Variants in MAGI1 observed in about 807,000 individuals in gnomAD.
MAGI1 encodes the protein membrane associated guanylate kinase, WW and PDZ domain containing 1, also known as membrane-associated guanylate kinase, WW and PDZ domain-containing protein 1.
In MAGI1, 58 loss-of-function variants were observed where a neutral mutation model predicts 139.9. The observed-to-expected ratio is 0.41, with a 90% CI of 0.34 to 0.52. The LOEUF (loss-of-function observed/expected upper bound fraction) is 0.52, where lower values mean the gene tolerates loss of function less well. MAGI1 is among the 20% of genes least tolerant of loss of function. The probability of loss-of-function intolerance (pLI) is 0.12; values close to 1 mark genes in which losing one functional copy is unlikely to be tolerated. For synonymous variants in MAGI1, 812 were observed against 737.9 expected (o/e 1.10, Z -1.63); for missense variants, 1,874 against 1,901.6 (o/e 0.99, Z 0.27).
intron 1 of MAGI1, among the ~76,000 whole-genome samples, chr3:65,982,505 G>C (rs2065638339): frequency 6.6e-6 from 1 of 152,198 alleles, no homozygotes; most frequent in Non-Finnish European, 1.5e-5. Flanking sequence ...GGGAAGAAAT[G>C]CCAGAATACA....
chr3:65,893,372 G>T (rs2060843496), intron 1 of MAGI1, among the ~76,000 whole-genome samples: 2 of 151,132 alleles, frequency 1.3e-5, no homozygotes, highest in African/African-American at 4.9e-5. Context: ...ATTCAAACCG[G>T]TTTCTTGCCT....
chr3:65,840,560 C>G (rs2058769677), intron 1 of MAGI1, among the ~76,000 whole-genome samples: 1 of 152,070 alleles, frequency 6.6e-6, no homozygotes, highest in Non-Finnish European at 1.5e-5. Context: ...AGGTGAATTA[C>G]CTTGATTGAT....
chr3:65,874,213 G>A (rs970937610), intron 1 of MAGI1: 2 of 152,204 alleles, frequency 1.3e-5, no homozygotes, highest in African/African-American at 2.4e-5. Context: ...TTGGACCCAG[G>A]AGGTGGTGGT....
intron 12 of MAGI1, among the ~76,000 whole-genome samples, chr3:65,421,717 C>T (rs1359831600): frequency 6.6e-6 from 1 of 152,150 alleles, no homozygotes; most frequent in Non-Finnish European, 1.5e-5. Context: ...AGCTGAGATG[C>T]TTCCCAGCCA....
At chr3:65,898,774 T>C (rs941672222) in intron 1 of MAGI1, among the ~76,000 whole-genome samples, 3 of 152,186 alleles carry the variant, frequency 2.0e-5, no homozygotes, top group African/African-American at 7.2e-5. Context: ...AAAGAAATGA[T>C]AAATGTTTGA....
At chr3:65,441,243 G>A (rs1057306712) in intron 8 of MAGI1, among the ~76,000 whole-genome samples, 1 of 152,096 alleles carries the variant, frequency 6.6e-6, no homozygotes, top group South Asian at 2.1e-4. Context: ...TTACAGGCAT[G>A]AGCCACCATG....
intron 1 of MAGI1, among the ~76,000 whole-genome samples, chr3:66,036,787 G>T (rs903722162): frequency 6.6e-6 from 1 of 152,138 alleles, no homozygotes; most frequent in African/African-American, 2.4e-5. Context: ...TCAACTTCAC[G>T]ACTTCCTTCG....
intron 16 of MAGI1, chr3:65,380,850 GTGAGGT>G (rs748076628): frequency 2.0e-4 from 30 of 152,162 alleles, no homozygotes; most frequent in African/African-American, 6.5e-4. Flanking sequence ...AAGAAGGATT[GTGAGGT>G]CACAAACACA....
chr3:65,507,416 A>T (rs548497619), intron 2 of MAGI1, among the ~76,000 whole-genome samples: 1 of 152,364 alleles, frequency 6.6e-6, no homozygotes, highest in East Asian at 1.9e-4. Context: ...ATCACATAAA[A>T]TTGTATGAGG....
intron 2 of MAGI1, among the ~76,000 whole-genome samples, chr3:65,562,275 T>C (rs2108021467): frequency 6.6e-6 from 1 of 152,282 alleles, no homozygotes. Flanking sequence ...TTATCAAATC[T>C]GAGGCAACAA....
chr3:65,844,335 G>A (rs1430338572), intron 1 of MAGI1: 1 of 316,028 alleles, frequency 3.2e-6, no homozygotes. Flanking sequence ...ACATCTAGAT[G>A]ATCTTGACTG....
intron 1 of MAGI1, among the ~76,000 whole-genome samples, chr3:65,888,688 A>T (rs1024811695): frequency 6.6e-6 from 1 of 152,128 alleles, no homozygotes; most frequent in African/African-American, 2.4e-5. Context: ...ACACTCAAAA[A>T]TGAAATACTG....
At chr3:65,934,626 C>G (rs968561072) in intron 1 of MAGI1, among the ~76,000 whole-genome samples, 1 of 151,426 alleles carries the variant, frequency 6.6e-6, no homozygotes, top group African/African-American at 2.4e-5. Context: ...CCGAGTCCCT[C>G]TTATATTGGG....
At chr3:65,776,733 G>T (rs2038470311) in intron 1 of MAGI1, among the ~76,000 whole-genome samples, 1 of 152,206 alleles carries the variant, frequency 6.6e-6, no homozygotes, top group Non-Finnish European at 1.5e-5. Flanking sequence ...CGAATTTAAT[G>T]TAAAACATGA....
intron 2 of MAGI1, among the ~76,000 whole-genome samples, chr3:65,521,687 T>C (rs1298242247): frequency 6.6e-6 from 1 of 152,190 alleles, no homozygotes. Flanking sequence ...ATAAATGTTA[T>C]ACTCTTTGCC....
chr3:65,929,069 A>T (rs894202710), intron 1 of MAGI1, among the ~76,000 whole-genome samples: 1 of 151,788 alleles, frequency 6.6e-6, no homozygotes, highest in Non-Finnish European at 1.5e-5. Flanking sequence ...GGGAGGGATC[A>T]CTTAAGCCCA....
At chr3:65,566,084 T>A (rs2080618362) in intron 2 of MAGI1, among the ~76,000 whole-genome samples, 1 of 151,532 alleles carries the variant, frequency 6.6e-6, no homozygotes, top group African/African-American at 2.4e-5. Context: ...TGAAACCCCA[T>A]CTCTACTAAA....
chr3:65,646,913 A>G (rs972718366), intron 1 of MAGI1, among the ~76,000 whole-genome samples: 1 of 152,122 alleles, frequency 6.6e-6, no homozygotes, highest in Admixed American at 6.6e-5. Context: ...GAAAATTTAC[A>G]GGGATCACAT....
chr3:65,915,380 G>A (rs1363658259), intron 1 of MAGI1, among the ~76,000 whole-genome samples: 1 of 152,180 alleles, frequency 6.6e-6, no homozygotes, highest in Non-Finnish European at 1.5e-5. Context: ...CTTGCAATGT[G>A]CACAGTCATT....
Sources: gnomAD v4.1 joint callset for allele counts (sites outside exome capture counted in the v4.1 genomes callset) on GRCh38, gnomAD v4.1.1 for gene constraint, MANE v1.5 for transcripts, NCBI Gene and HGNC (gene_info 2026-07-23, HGNC 2026-07-21) for gene names.